The following ARHGAP24 variants were observed in gnomAD, a reference collection of about 807,000 sequenced individuals.
ARHGAP24 encodes rho GTPase-activating protein 24.
Under a neutral mutation model 76.4 loss-of-function variants are expected in ARHGAP24, and 50 were observed. That is an observed-to-expected ratio of 0.65 (90% confidence interval 0.52 to 0.83). ARHGAP24 has a LOEUF of 0.83. Ranked by LOEUF, ARHGAP24 falls within the 40% of genes least tolerant of loss-of-function variation. The probability of loss-of-function intolerance (pLI) is 0.00; values close to 1 mark genes in which losing one functional copy is unlikely to be tolerated. For synonymous variants in ARHGAP24, 345 were observed against 323.3 expected (o/e 1.07, Z -0.72); for missense variants, 930 against 914.2 (o/e 1.02, Z -0.22).
At chr4:85,804,186 A>G (rs1188073363) in intron 3 of ARHGAP24, among the ~76,000 whole-genome samples, 1 of 152,132 alleles carries the variant, frequency 6.6e-6, no homozygotes, top group Middle Eastern at 3.2e-3. Context: ...AAAATCTCCA[A>G]AATTTTGTAC....
chr4:85,620,496 T>C (rs1720681719), intron 2 of ARHGAP24, among the ~76,000 whole-genome samples: 1 of 151,846 alleles, frequency 6.6e-6, no homozygotes, highest in Non-Finnish European at 1.5e-5. Flanking sequence ...TCGGTTGTAA[T>C]GTAGTTTCTT....
At chr4:85,743,781 G>A (rs985168251) in intron 3 of ARHGAP24, among the ~76,000 whole-genome samples, 5 of 148,228 alleles carry the variant, frequency 3.4e-5, no homozygotes, top group Admixed American at 6.9e-5. Context: ...AAGGAAACAC[G>A]CCAAAACTTA....
intron 9 of ARHGAP24, among the ~76,000 whole-genome samples, chr4:85,997,644 T>TTTTTCTA (rs1740762261): frequency 2.8e-5 from 2 of 70,248 alleles, no homozygotes; most frequent in Admixed American, 2.7e-4. Context: ...AACTTTTTCT[T>TTTTTCTA]TTCTTATTTT....
At chr4:85,891,188 C>T (rs988283901) in intron 3 of ARHGAP24, among the ~76,000 whole-genome samples, 27 of 152,028 alleles carry the variant, frequency 1.8e-4, no homozygotes, top group Non-Finnish European at 2.9e-5. Flanking sequence ...TACATTGGGA[C>T]GAGAGTAAAT....
intron 2 of ARHGAP24, among the ~76,000 whole-genome samples, chr4:85,636,111 T>C (rs535465254): frequency 4.3e-4 from 66 of 151,952 alleles, no homozygotes; most frequent in Non-Finnish European, 8.8e-4. Context: ...TTATTCTCCT[T>C]GATTTCCTGC....
intron 2 of ARHGAP24, among the ~76,000 whole-genome samples, chr4:85,576,879 G>A (rs1003791810): frequency 1.2e-4 from 19 of 152,010 alleles, no homozygotes; most frequent in Non-Finnish European, 2.2e-4. Context: ...AGCTCATATA[G>A]TTACTAATTC....
At chr4:85,948,562 C>T (rs1014258391) in intron 5 of ARHGAP24, among the ~76,000 whole-genome samples, 1 of 152,126 alleles carries the variant, frequency 6.6e-6, no homozygotes, top group Admixed American at 6.5e-5. Flanking sequence ...CAGTTATCTC[C>T]AAATCAAGTT....
intron 3 of ARHGAP24, among the ~76,000 whole-genome samples, chr4:85,773,869 A>G (rs187057157): frequency 1.3e-4 from 20 of 152,380 alleles, no homozygotes; most frequent in Non-Finnish European, 1.5e-5. Context: ...CACAGAGACA[A>G]TTAATAAATA....
chr4:85,632,006 A>G (rs1014796952), intron 2 of ARHGAP24, among the ~76,000 whole-genome samples: 1 of 152,064 alleles, frequency 6.6e-6, no homozygotes, highest in Non-Finnish European at 1.5e-5. Context: ...CATAGATCCA[A>G]TTCTTCCTTT....
chr4:85,767,432 G>A (rs1464708873), intron 3 of ARHGAP24, among the ~76,000 whole-genome samples: 2 of 151,994 alleles, frequency 1.3e-5, no homozygotes, highest in South Asian at 2.1e-4. Flanking sequence ...ACATTCACAT[G>A]TGAATGCTTC....
At chr4:85,927,487 G>A (rs559094869) in intron 4 of ARHGAP24, among the ~76,000 whole-genome samples, 1 of 152,152 alleles carries the variant, frequency 6.6e-6, no homozygotes, top group Non-Finnish European at 1.5e-5. Flanking sequence ...GGATTCTATG[G>A]TATGGGAATT....
At position 85,874,758 on chromosome 4, in the gene ARHGAP24, TTATATAATTTATATATAAAATATATTTA is replaced by T. The variant is rs1476616962; in HGVS notation, c.269-48834_269-48807del. Among the ~76,000 whole-genome samples, 677 of 110,248 alleles carry T rather than the reference TTATATAATTTATATATAAAATATATTTA, an allele frequency of 6.1e-3. 26 individuals carry two copies. Among genetic ancestry groups the T allele is most frequent in the African/African-American group, 0.022 (646 of 29,270 alleles). The allele number at this position is 110,248 out of a possible 152,430, so 72.3% of individuals were successfully genotyped here. The stretch of plus-strand genomic sequence containing the variant: ...CCTTAACTTAAATGGAATATATATT[TTATATAATTTATATATAAAATATATTTA>T]TATATAATTTATATATAAAATATAT... On this transcript the variant is annotated intron_variant, in intron 3 of 9. Coordinates refer to ENST00000395184, the MANE Select transcript of ARHGAP24 (RefSeq NM_001025616.3).
intron 3 of ARHGAP24, among the ~76,000 whole-genome samples, chr4:85,907,615 G>C (rs1734839287): frequency 1.3e-5 from 2 of 151,810 alleles, no homozygotes; most frequent in Admixed American, 1.3e-4. Context: ...ATATGTGTGT[G>C]TATGTGTGTC....
intron 3 of ARHGAP24, among the ~76,000 whole-genome samples, chr4:85,914,628 G>C (rs990204219): frequency 1.3e-5 from 2 of 152,076 alleles, no homozygotes; most frequent in Non-Finnish European, 2.9e-5. Flanking sequence ...TCAACTTATT[G>C]AGACCTTCTT....
At chr4:85,793,485 C>T (rs962843168) in intron 3 of ARHGAP24, among the ~76,000 whole-genome samples, 2 of 152,042 alleles carry the variant, frequency 1.3e-5, no homozygotes, top group African/African-American at 2.4e-5. Flanking sequence ...AATTTCAAAC[C>T]TTATTTCCCA....
chr4:85,727,212 T>A (rs1036758501), intron 3 of ARHGAP24, among the ~76,000 whole-genome samples: 3 of 151,990 alleles, frequency 2.0e-5, no homozygotes, highest in Non-Finnish European at 1.5e-5. Flanking sequence ...AGAGTGAGAC[T>A]CCATCTCAAA....
At chr4:85,663,852 C>T (rs1417995230) in intron 2 of ARHGAP24, among the ~76,000 whole-genome samples, 2 of 151,336 alleles carry the variant, frequency 1.3e-5, no homozygotes, top group Non-Finnish European at 3.0e-5. Context: ...ACCAGCCTTG[C>T]ATCCCAGGGA....
intron 1 of ARHGAP24, among the ~76,000 whole-genome samples, chr4:85,526,122 T>G (rs917505986): frequency 2.0e-5 from 3 of 152,106 alleles, no homozygotes; most frequent in Middle Eastern, 3.2e-3. Flanking sequence ...TTTGAAGACT[T>G]ATTTTTGGCC....
intron 2 of ARHGAP24, among the ~76,000 whole-genome samples, chr4:85,681,962 G>A (rs1723218560): frequency 6.6e-6 from 1 of 152,160 alleles, no homozygotes; most frequent in South Asian, 2.1e-4. Flanking sequence ...TAGAATGTAG[G>A]TGCTACTATT....
Sources: allele counts gnomAD v4.1 joint callset (sites outside exome capture counted in the v4.1 genomes callset), GRCh38; gene constraint gnomAD v4.1.1; transcripts MANE v1.5; gene names NCBI Gene and HGNC (gene_info 2026-07-23, HGNC 2026-07-21).